Variants in FOXO3 observed in about 807,000 individuals in gnomAD.
The protein encoded by FOXO3 is forkhead box protein O3.
A neutral mutation model predicts 41.9 loss-of-function variants in FOXO3; 4 were observed. The ratio of observed to expected loss-of-function variants is 0.10; its 90% CI spans 0.05 to 0.22. The LOEUF (loss-of-function observed/expected upper bound fraction) is 0.22, where lower values mean the gene tolerates loss of function less well. Ranked by LOEUF, FOXO3 falls within the 10% of genes least tolerant of loss-of-function variation. FOXO3 has a pLI of 1.00. For synonymous variants in FOXO3, 318 were observed against 389.3 expected (o/e 0.82, Z 2.16); for missense variants, 534 against 906.8 (o/e 0.59, Z 5.28).
chr6:108,639,844 A>G (rs1014682085), intron 1 of FOXO3, among the ~76,000 whole-genome samples: 1 of 152,162 alleles, frequency 6.6e-6, no homozygotes, highest in African/African-American at 2.4e-5. Context: ...CTTTCTAAAT[A>G]TTTATTGAAC....
At chr6:108,641,100 G>A (rs994048864) in intron 1 of FOXO3, among the ~76,000 whole-genome samples, 2 of 152,036 alleles carry the variant, frequency 1.3e-5, no homozygotes, top group East Asian at 3.9e-4. Flanking sequence ...AGTAGAGACA[G>A]GGTTTCACCA....
At chr6:108,638,328 C>T (rs1157317342) in intron 1 of FOXO3, among the ~76,000 whole-genome samples, 1 of 152,166 alleles carries the variant, frequency 6.6e-6, no homozygotes, top group Non-Finnish European at 1.5e-5. Context: ...AAGGTTTGTC[C>T]AAGATTTCAT....
chr6:108,569,238 C>A (rs1776024454), intron 1 of FOXO3, among the ~76,000 whole-genome samples: 2 of 152,142 alleles, frequency 1.3e-5, no homozygotes, highest in Admixed American at 6.5e-5. Context: ...GCAGTTCTTC[C>A]AAGTTAGAGT....
At chr6:108,587,949 A>G (rs1776629483) in intron 1 of FOXO3, among the ~76,000 whole-genome samples, 1 of 152,056 alleles carries the variant, frequency 6.6e-6, no homozygotes, top group Non-Finnish European at 1.5e-5. Flanking sequence ...GGGCTCCCCC[A>G]TCCTCCCTCC....
chr6:108,602,009 C>T (rs1384959874), intron 1 of FOXO3, among the ~76,000 whole-genome samples: 1 of 151,994 alleles, frequency 6.6e-6, no homozygotes, highest in African/African-American at 2.4e-5. Flanking sequence ...GGATAAATGC[C>T]CAATGACTTC....
At position 108,680,377 on chromosome 6, in the gene FOXO3, G is replaced by A. The variant is rs1770796715; in HGVS notation, c.*585G>A. ...AAACTAACAAATTACATAAACTAAA[G>A]GGGGATTTTCTTTCTTCTTTTGTTT... On this transcript the variant is annotated 3_prime_UTR_variant, in exon 3 of 3. Transcript: ENST00000406360. 6.6e-6 allele frequency: 1 copy of A among 152,558 alleles called. No individual in the cohort carries two copies. The highest frequency in any genetic ancestry group is 1.5e-5 in the Non-Finnish European group (1 of 68,028). The allele number at this position is 152,558 out of a possible 1,614,324, so 9.5% of individuals were successfully genotyped here. A position where few individuals can be genotyped will look rare whatever the true frequency, so the allele number is the denominator to read the frequency against.
In FOXO3 at chr6:108,565,616, T is replaced by C. The variant is rs528999093; in HGVS notation, c.621+3787T>C. The stretch of plus-strand genomic sequence containing the variant: ...AGTGGTTCCCATAATTTCACAAGTG[T>C]GGGGGATACTGTGTTAAGATTTCTG... On this transcript the variant is annotated intron_variant, in intron 1 of 2. Coordinates refer to ENST00000406360, the MANE Select transcript of FOXO3 (RefSeq NM_001455.4). Among the ~76,000 whole-genome samples the C allele has an allele frequency of 3.3e-5, 5 of 152,264 alleles. No homozygotes were observed. The East Asian group carries it at 9.6e-4, about 29-fold the overall frequency.
At chr6:108,654,591 GC>G (rs1778634646) in intron 1 of FOXO3, among the ~76,000 whole-genome samples, 1 of 151,946 alleles carries the variant, frequency 6.6e-6, no homozygotes, top group African/African-American at 2.4e-5. Context: ...TCGCTTGCTT[GC>G]TGCTTGAAAA....
intron 1 of FOXO3, among the ~76,000 whole-genome samples, chr6:108,637,410 C>T (rs1399978893): frequency 5.9e-5 from 9 of 152,038 alleles, no homozygotes; most frequent in Non-Finnish European, 1.0e-4. Context: ...AGCTAAGTGT[C>T]GAAATCCAGC....
chr6:108,564,205 C>A (rs1453207624), intron 1 of FOXO3, among the ~76,000 whole-genome samples: 1 of 152,190 alleles, frequency 6.6e-6, no homozygotes, highest in Non-Finnish European at 1.5e-5. Flanking sequence ...TGCAGCCATG[C>A]AGGAACTTTC....
Position 108,649,065 on chromosome 6 carries a change from A to G in FOXO3, c.622-14390A>G, listed in dbSNP as rs1237254495. Among the ~76,000 whole-genome samples the G allele has an allele frequency of 4.0e-5, 6 of 150,882 alleles. No individual in the cohort carries two copies. In the South Asian group the frequency reaches 1.3e-3, roughly 32 times the overall value. The stretch of plus-strand genomic sequence containing the variant: ...CAAGTGTCTCAGATTTGCCCCTACC[A>G]GACGCCAAACTCTTGGGTCAGAGGC... On this transcript the variant is annotated intron_variant, in intron 1 of 2. Coordinates refer to ENST00000406360, the MANE Select transcript of FOXO3 (RefSeq NM_001455.4).
intron 1 of FOXO3, among the ~76,000 whole-genome samples, chr6:108,591,368 C>T (rs1469205256): frequency 2.0e-5 from 3 of 152,186 alleles, no homozygotes; most frequent in African/African-American, 7.2e-5. Flanking sequence ...TTAGGTTACA[C>T]AAAATTTAAA....
At chr6:108,655,004 TCTAGCAGAAGGGAGTAGGCAG>T (rs1397967571) in intron 1 of FOXO3, among the ~76,000 whole-genome samples, 2 of 152,194 alleles carry the variant, frequency 1.3e-5, no homozygotes, top group African/African-American at 4.8e-5. Flanking sequence ...GTAGATAAAA[TCTAGCAGAAGGGAGTAGGCAG>T]CTAAAAACTA....
chr6:108,590,797 A>G (rs1280045136), intron 1 of FOXO3, among the ~76,000 whole-genome samples: 1 of 152,232 alleles, frequency 6.6e-6, no homozygotes, highest in Non-Finnish European at 1.5e-5. Context: ...GCTTGCAAAT[A>G]TGGTTTTAAA....
chr6:108,634,572 C>A (rs1057233333), intron 1 of FOXO3, among the ~76,000 whole-genome samples: 2 of 152,106 alleles, frequency 1.3e-5, no homozygotes, highest in Admixed American at 6.6e-5. Context: ...TTCCTTCCCC[C>A]TTCTGCCTTG....
chr6:108,598,549 C>G (rs2128365589), intron 1 of FOXO3, among the ~76,000 whole-genome samples: 1 of 152,272 alleles, frequency 6.6e-6, no homozygotes, highest in Non-Finnish European at 1.5e-5. Flanking sequence ...GAAAAAAAAT[C>G]TAGAGCTTTC....
At chr6:108,631,305 A>G (rs568337649) in intron 1 of FOXO3, among the ~76,000 whole-genome samples, 2 of 152,304 alleles carry the variant, frequency 1.3e-5, no homozygotes, top group South Asian at 4.1e-4. Context: ...GGACCAGCAT[A>G]GTGTGGAAGG....
intron 1 of FOXO3, among the ~76,000 whole-genome samples, chr6:108,592,825 G>T (rs1196094246): frequency 6.6e-6 from 1 of 152,204 alleles, no homozygotes; most frequent in African/African-American, 2.4e-5. Context: ...GAAGCCATTG[G>T]TTGGGAGGGC....
chr6:108,660,027 T>A (rs1778797571), intron 1 of FOXO3, among the ~76,000 whole-genome samples: 1 of 152,228 alleles, frequency 6.6e-6, no homozygotes, highest in Admixed American at 6.5e-5. Context: ...TTCTAGTTAA[T>A]TCTGTGTGTT....
Sources: gnomAD v4.1 joint callset for allele counts (sites outside exome capture counted in the v4.1 genomes callset) on GRCh38, gnomAD v4.1.1 for gene constraint, MANE v1.5 for transcripts, NCBI Gene and HGNC (gene_info 2026-07-23, HGNC 2026-07-21) for gene names.